The following CASP9 variants were observed in gnomAD, a reference collection of about 807,000 sequenced individuals.
CASP9 encodes the protein caspase 9, also known as caspase-9.
A neutral mutation model predicts 43.5 loss-of-function variants in CASP9; 29 were observed. The ratio of observed to expected loss-of-function variants is 0.67; its 90% CI spans 0.50 to 0.91. The LOEUF is 0.91. CASP9 is among the 40% of genes least tolerant of loss of function. The probability of loss-of-function intolerance (pLI) is 0.00; values close to 1 mark genes in which losing one functional copy is unlikely to be tolerated. For synonymous variants in CASP9, 206 were observed against 211.9 expected (o/e 0.97, Z 0.24); for missense variants, 575 against 537.4 (o/e 1.07, Z -0.69).
chr1:15,492,923 C>G lies in CASP9; in HGVS notation c.*20G>C. ...GAAAGCTTTGGGGTGCAAGATAAGG[C>G]AGGGTGAGGGGCCCTGGCCTTATGA... On this transcript the variant is annotated 3_prime_UTR_variant, in exon 9 of 9. Coordinates refer to ENST00000333868, the MANE Select transcript of CASP9 (RefSeq NM_001229.5). 1 of 1,612,596 alleles carries G rather than the reference C, an allele frequency of 6.2e-7. No individual in the cohort carries two copies. The highest frequency in any genetic ancestry group is 1.1e-5 in the South Asian group (1 of 91,064).
intron 1 of CASP9, 135 bp downstream of exon 1, chr1:15,523,934 T>G: frequency 1.6e-6 from 1 of 618,746 alleles, no homozygotes; most frequent in Non-Finnish European, 2.7e-6. Context: ...AACACCCGAC[T>G]AAGAGGTGTT....
rs766041259 is a variant in CASP9, at chr1:15,506,088, G to C, written c.631-9C>G. On this transcript the variant is annotated splice_polypyrimidine_tract_variant and intron_variant, in intron 4 of 8. Coordinates refer to ENST00000333868, the MANE Select transcript of CASP9 (RefSeq NM_001229.5). The stretch of plus-strand genomic sequence containing the variant: ...AAAGCCAGCACCATTTTCTACAAGA[G>C]AGGGCTGCAGGTGAGCCAGAAGCAC... 6.2e-7 allele frequency: 1 copy of C among 1,603,560 alleles called. No individual in the cohort carries two copies. The highest frequency in any genetic ancestry group is 8.5e-7 in the Non-Finnish European group (1 of 1,170,500).
Position 15,503,214 on chromosome 1 carries a change from CT to C in CASP9, c.868+1396del, listed in dbSNP as rs1450764103. ...CCAGCCTGGGCAACATGGCAAAACCCTGTCTCTACAAAAAAAAAATAGAAAA... is the reference window on the plus strand; with the variant it reads ...CCAGCCTGGGCAACATGGCAAAACCCGTCTCTACAAAAAAAAAATAGAAAA... On this transcript the variant is annotated intron_variant, in intron 6 of 8. Transcript: ENST00000333868. Among the ~76,000 whole-genome samples, 19 of 152,196 alleles carry C rather than the reference CT, an allele frequency of 1.2e-4. No individual in the cohort carries two copies. The East Asian group carries it at 3.7e-3, about 29-fold the overall frequency.
chr1:15,517,975 T>C lies in CASP9; in HGVS notation c.418+135A>G, dbSNP rs573967278. The C allele has an allele frequency of 4.9e-6, 5 of 1,015,588 alleles. No homozygotes were observed. The South Asian group carries it at 7.9e-5, about 16-fold the overall frequency. 62.9% of individuals were successfully genotyped at this position (1,015,588 alleles called of 1,614,324 possible). A position where few individuals can be genotyped will look rare whatever the true frequency, so the allele number is the denominator to read the frequency against. ...AACCTCCTGAAAACCTCCCAGAATT[T>C]TGCCATCCCTATGAACATTCAGAAA... On this transcript the variant is annotated intron_variant, in intron 2 of 8. Coordinates refer to ENST00000333868, the MANE Select transcript of CASP9 (RefSeq NM_001229.5).
chr1:15,510,428 C>A (rs1249808596), intron 2 of CASP9, among the ~76,000 whole-genome samples: 1 of 152,166 alleles, frequency 6.6e-6, no homozygotes, highest in Non-Finnish European at 1.5e-5. Context: ...GTTTTACCTA[C>A]CCTGAAAATT....
Position 15,492,910 on chromosome 1 carries a change from G to A in CASP9, c.*33C>T. The A allele has an allele frequency of 6.2e-7, 1 of 1,611,490 alleles. No individual in the cohort carries two copies. The highest frequency in any genetic ancestry group is 8.5e-7 in the Non-Finnish European group (1 of 1,179,814). The stretch of plus-strand genomic sequence containing the variant: ...AGGCCTGGGGCAGGAAAGCTTTGGG[G>A]TGCAAGATAAGGCAGGGTGAGGGGC... On this transcript the variant is annotated 3_prime_UTR_variant, in exon 9 of 9. Transcript: ENST00000333868.
intron 2 of CASP9, among the ~76,000 whole-genome samples, chr1:15,509,180 C>T (rs1709638292): frequency 1.3e-5 from 2 of 152,176 alleles, no homozygotes. Context: ...GAGCTCTTCT[C>T]TTTCTTTCAC....
chr1:15,506,958 G>A lies in CASP9; in HGVS notation c.571C>T (p.Arg191Trp), dbSNP rs771197055. 4.5e-5 allele frequency: 73 copies of A among 1,613,982 alleles called. No individual in the cohort carries two copies. In the Admixed American group the frequency reaches 6.8e-4, roughly 15 times the overall value. The change falls in exon 4 of 9, where the codon CGG (arginine) becomes TGG (tryptophan). Residue 191 changes from arginine to tryptophan, a missense_variant. Arg to Trp is a moderately radical substitution (Grantham distance 101, BLOSUM62 -3). Coordinates refer to ENST00000333868, the MANE Select transcript of CASP9 (RefSeq NM_001229.5). The part of the protein sequence containing the change: ...TGSNIDCEKL[R>W]RRFSSLHFMV... The stretch of plus-strand genomic sequence containing the variant: ...AAATGCAGCGAGGAGAAGCGACGCC[G>A]CAACTTCTCACAGTCGATGTTGGAG...
chr1:15,503,031 G>T (rs1709386316), intron 6 of CASP9, among the ~76,000 whole-genome samples: 1 of 152,126 alleles, frequency 6.6e-6, no homozygotes. Flanking sequence ...CGGGGGGCAG[G>T]CTGGGTTTTC....
intron 2 of CASP9, among the ~76,000 whole-genome samples, chr1:15,514,327 G>A (rs977830767): frequency 6.6e-6 from 1 of 152,154 alleles, no homozygotes; most frequent in African/African-American, 2.4e-5. Flanking sequence ...ACTTATTAAA[G>A]GCTCTGCTGC....
intron 4 of CASP9, 131 bp from the exon 5 acceptor site, chr1:15,506,210 A>T (rs1191195677): frequency 9.5e-6 from 6 of 630,996 alleles, no homozygotes; most frequent in Non-Finnish European, 1.7e-5. Context: ...GCACTTTGGG[A>T]GGCCAAGGCA....
At position 15,506,970 on chromosome 1, in the gene CASP9, A is replaced by G. The variant is rs1431277281; in HGVS notation, c.559T>C (p.Cys187Arg). 4 of 1,614,152 alleles carry G rather than the reference A, an allele frequency of 2.5e-6. No homozygotes were observed. The highest frequency in any genetic ancestry group is 1.1e-5 in the South Asian group (1 of 91,086). Residue 187 changes from cysteine to arginine, a missense_variant, in exon 4 of 9, where the codon TGT (cysteine) becomes CGT (arginine). Coordinates refer to ENST00000333868, the MANE Select transcript of CASP9 (RefSeq NM_001229.5). ...LRTRTGSNID[C>R]EKLRRRFSSL... ...GAGAAGCGACGCCGCAACTTCTCACAGTCGATGTTGGAGCCAGTGCGGGTG... is the reference window on the plus strand; with the variant it reads ...GAGAAGCGACGCCGCAACTTCTCACGGTCGATGTTGGAGCCAGTGCGGGTG...
Position 15,521,793 on chromosome 1 carries a change from T to C in CASP9, c.132+2276A>G, listed in dbSNP as rs1188674743. On this transcript the variant is annotated intron_variant, in intron 1 of 8. Coordinates refer to ENST00000333868, the MANE Select transcript of CASP9 (RefSeq NM_001229.5). ...AGCTGTCTTTTTTTCTATCTCTTTCTCCTGTGTCTTTATTTCTACGATCTC... is the reference window on the plus strand; with the variant it reads ...AGCTGTCTTTTTTTCTATCTCTTTCCCCTGTGTCTTTATTTCTACGATCTC... Among the ~76,000 whole-genome samples the C allele has an allele frequency of 4.0e-5, 6 of 148,810 alleles. No individual in the cohort carries two copies. The Admixed American group carries it at 4.0e-4, about 10-fold the overall frequency.
At chr1:15,494,213 T>C (rs1433062985) in intron 7 of CASP9, among the ~76,000 whole-genome samples, 1 of 152,106 alleles carries the variant, frequency 6.6e-6, no homozygotes, top group Non-Finnish European at 1.5e-5. Flanking sequence ...TAATTCCTGT[T>C]TTCCCAGCAA....
chr1:15,514,859 T>C (rs1039603842), intron 2 of CASP9, among the ~76,000 whole-genome samples: 2 of 151,784 alleles, frequency 1.3e-5, no homozygotes, highest in Non-Finnish European at 2.9e-5. Context: ...ATACAAAAAC[T>C]AGCCAGGCAT....
At position 15,518,361 on chromosome 1, in the gene CASP9, C is replaced by T. The variant is rs761860226; in HGVS notation, c.167G>A (p.Arg56Lys). ...AGTCTCCAGATCTATGATCAGCTGC[C>T]TGGCCTGATCCCGCCGAGATCCAGA... ...AGSGSRRDQARQLIIDLETRG... is the reference protein window; with the variant it reads ...AGSGSRRDQAKQLIIDLETRG... The change falls in exon 2 of 9, where the codon AGG becomes AAG. Residue 56 changes from arginine to lysine, a missense_variant. Coordinates refer to ENST00000333868, the MANE Select transcript of CASP9 (RefSeq NM_001229.5). The T allele has an allele frequency of 2.5e-6, 4 of 1,613,756 alleles. No homozygotes were observed. Among genetic ancestry groups the T allele is most frequent in the Admixed American group, 3.3e-5 (2 of 60,020 alleles).
chr1:15,491,952 T>G lies in CASP9; in HGVS notation c.*991A>C, dbSNP rs1557529855. 1 of 152,832 alleles carries G rather than the reference T, an allele frequency of 6.5e-6. No homozygotes were observed. 9.5% of individuals were successfully genotyped at this position (152,832 alleles called of 1,614,324 possible). On this transcript the variant is annotated 3_prime_UTR_variant, in exon 9 of 9. Transcript: ENST00000333868. ...TCAGGGGACCCAGGTTCTGGCCAGG[T>G]CTCTTCTCTGGATAATCGTTTTCCC...
rs35448662 is a variant in CASP9, at chr1:15,503,027, G to A, written c.868+1584C>T. On this transcript the variant is annotated intron_variant, in intron 6 of 8. Transcript: ENST00000333868. ...GGGTCCTCCGGGGTGGGAGCGGGGG[G>A]CAGGCTGGGTTTTCAGTTATTAAAA... 5.1e-4 allele frequency among the ~76,000 whole-genome samples: 77 copies of A among 152,230 alleles called. 1 individual carries two copies. The South Asian group carries it at 5.8e-3, about 12-fold the overall frequency.
rs534906311 is a variant in CASP9 at position 15,497,243 on chromosome 1, G to A, written c.869-1791C>T. Reference sequence around the variant, plus strand: ...GGAAAATCACTTGAATCCAGGAGGCGGAGGTTGCAGTGAGTCAAGATCGTG... The same window carrying A: ...GGAAAATCACTTGAATCCAGGAGGCAGAGGTTGCAGTGAGTCAAGATCGTG... On this transcript the variant is annotated intron_variant, in intron 6 of 8. Transcript: ENST00000333868. Among the ~76,000 whole-genome samples, 546 of 150,484 alleles carry A rather than the reference G, an allele frequency of 3.6e-3. 1 individual carries two copies. The highest frequency in any genetic ancestry group is 6.4e-3 in the Non-Finnish European group (436 of 67,724).
Sources: gnomAD v4.1 joint callset for allele counts (sites outside exome capture counted in the v4.1 genomes callset) on GRCh38, gnomAD v4.1.1 for gene constraint, MANE v1.5 for transcripts, NCBI Gene and HGNC (gene_info 2026-07-23, HGNC 2026-07-21) for gene names.